KPNA3: variants seen among roughly 807,000 people sequenced by gnomAD.
KPNA3 encodes karyopherin subunit alpha 3, also known as importin subunit alpha-4.
A neutral mutation model predicts 73.8 loss-of-function variants in KPNA3; 13 were observed. The observed-to-expected ratio is 0.18, with a 90% CI of 0.11 to 0.28. KPNA3 has a LOEUF of 0.28. Ranked by LOEUF, KPNA3 falls within the 10% of genes least tolerant of loss-of-function variation. The pLI is 1.00. For missense variants in KPNA3, 360 were observed against 618.1 expected, an observed-to-expected ratio of 0.58 and a Z score of 4.43; for synonymous variants, 186 against 206.9, an observed-to-expected ratio of 0.90 and a Z score of 0.87.
At chr13:49,734,588 G>A (rs1045287149) in intron 2 of KPNA3, among the ~76,000 whole-genome samples, 1 of 152,178 alleles carries the variant, frequency 6.6e-6, no homozygotes, top group East Asian at 1.9e-4. Flanking sequence ...ACTACCTCGA[G>A]ATCTAATAGT....
intron 10 of KPNA3, among the ~76,000 whole-genome samples, chr13:49,711,680 G>C (rs1366002749): frequency 6.6e-6 from 1 of 152,160 alleles, no homozygotes; most frequent in East Asian, 1.9e-4. Flanking sequence ...CAAGGTCAAA[G>C]ATCTTGTATG....
In KPNA3 at chr13:49,737,579, G is replaced by C. The variant is rs9596185; in HGVS notation, c.115-4533C>G. Among the ~76,000 whole-genome samples, 10 of 67,826 alleles carry C rather than the reference G, an allele frequency of 1.5e-4. No individual in the cohort carries two copies. In the East Asian group the frequency reaches 2.4e-3, roughly 16 times the overall value. 44.5% of individuals were successfully genotyped at this position (67,826 alleles called of 152,430 possible). On this transcript the variant is annotated intron_variant, in intron 2 of 16. Coordinates refer to ENST00000261667, the MANE Select transcript of KPNA3 (RefSeq NM_002267.4). ...TGTGTGTCTGTGTGTGTGTGTGTGT[G>C]TGTGTGTGTGTGTGTGTGTGTGTGT...
chr13:49,759,197 T>C (rs1954737566), intron 1 of KPNA3, among the ~76,000 whole-genome samples: 1 of 152,194 alleles, frequency 6.6e-6, no homozygotes, highest in Admixed American at 6.5e-5. Context: ...TGAAGGATGA[T>C]AATGAACTAC....
At position 49,722,484 on chromosome 13, in the gene KPNA3, G is replaced by T; in HGVS notation, c.549C>A (p.Asn183Lys). Residue 183 changes from asparagine to lysine, a missense_variant, in exon 8 of 17, where the codon AAC becomes AAA. By Grantham distance (94) the Asn-to-Lys change is moderately conservative. This residue lies in a region of KPNA3 where 287 missense variants were observed against 549.1 expected (regional missense o/e 0.52). Transcript: ENST00000261667. Reference sequence around the variant, plus strand: ...TCCTTTCAAACCACTTACCTATAATGTTTCCCAAAGCCCATACTGCTTGTT... The same window carrying T: ...TCCTTTCAAACCACTTACCTATAATTTTTCCCAAAGCCCATACTGCTTGTT... Reference protein sequence around the residue: ...VCEQAVWALGNIIGDGPQCRD... With the variant: ...VCEQAVWALGKIIGDGPQCRD... 6.2e-7 allele frequency: 1 copy of T among 1,605,634 alleles called. No individual in the cohort carries two copies. Among genetic ancestry groups the T allele is most frequent in the Non-Finnish European group, 8.5e-7 (1 of 1,174,742 alleles).
At chr13:49,701,953 G>T in intron 16 of KPNA3, 55 bp from the exon 17 acceptor site, 6 of 1,198,216 alleles carry the variant, frequency 5.0e-6, no homozygotes, top group Non-Finnish European at 4.9e-6. Flanking sequence ...ACATTATGAT[G>T]TAAGTGGAAT....
Position 49,699,670 on chromosome 13 carries a change from G to A in KPNA3, c.*2130C>T, listed in dbSNP as rs913348244. On this transcript the variant is annotated 3_prime_UTR_variant, in exon 17 of 17. Coordinates refer to ENST00000261667, the MANE Select transcript of KPNA3 (RefSeq NM_002267.4). ...AGAGGAAATAGGAATCATCACAGTA[G>A]AGGCCCAATTTTAATCATAATGTGT... The A allele has an allele frequency of 6.6e-6, 1 of 152,590 alleles. No homozygotes were observed. 9.5% of individuals were successfully genotyped at this position (152,590 alleles called of 1,614,324 possible).
At position 49,705,842 on chromosome 13, in the gene KPNA3, G is replaced by A. The variant is rs78964710; in HGVS notation, c.1210-59C>T. On this transcript the variant is annotated intron_variant, in intron 14 of 16. Transcript: ENST00000261667. ...ATATAATTATCTATTTCCCAGTAGG[G>A]TGTCGTGCTACATGGAAGGCTGAGG... is the stretch of plus-strand genomic sequence containing the variant. 9.3e-6 allele frequency: 13 copies of A among 1,401,376 alleles called. No homozygotes were observed. In the South Asian group the frequency reaches 1.2e-4, roughly 13 times the overall value. The allele number at this position is 1,401,376 out of a possible 1,614,324, so 86.8% of individuals were successfully genotyped here.
At chr13:49,702,674 T>G (rs1203142215) in intron 15 of KPNA3, among the ~76,000 whole-genome samples, 194 bp from the exon 16 acceptor site, 1 of 152,026 alleles carries the variant, frequency 6.6e-6, no homozygotes, top group African/African-American at 2.4e-5. Flanking sequence ...TCCCACTAAT[T>G]TTTTCCTTCT....
chr13:49,754,629 A>AT (rs1214677101), intron 1 of KPNA3, among the ~76,000 whole-genome samples: 1 of 151,706 alleles, frequency 6.6e-6, no homozygotes, highest in African/African-American at 2.4e-5. Flanking sequence ...TCAAAAAAAA[A>AT]AAAAAATCAG....
At chr13:49,749,775 TC>T (rs1256360187) in intron 1 of KPNA3, among the ~76,000 whole-genome samples, 1 of 152,134 alleles carries the variant, frequency 6.6e-6, no homozygotes, top group Non-Finnish European at 1.5e-5. Context: ...CTCACCTATC[TC>T]TAATAATTAA....
At chr13:49,770,097 T>C (rs1348208763) in intron 1 of KPNA3, among the ~76,000 whole-genome samples, 1 of 152,016 alleles carries the variant, frequency 6.6e-6, no homozygotes, top group African/African-American at 2.4e-5. Flanking sequence ...TGTTCAGCTG[T>C]AGTTCTTTAC....
intron 1 of KPNA3, among the ~76,000 whole-genome samples, chr13:49,750,154 G>A (rs1032276888): frequency 5.3e-5 from 8 of 152,170 alleles, no homozygotes; most frequent in Admixed American, 5.2e-4. Context: ...AGCAAGTACA[G>A]AATTCACAGT....
chr13:49,712,165 T>C (rs967835129), intron 10 of KPNA3, among the ~76,000 whole-genome samples: 14 of 152,220 alleles, frequency 9.2e-5, no homozygotes, highest in African/African-American at 3.1e-4. Context: ...TAGATTTACC[T>C]AGAAACAGGG....
At position 49,792,586 on chromosome 13, in the gene KPNA3, A is replaced by AG. The variant is rs1187572856; in HGVS notation, c.-81dup. 3.7e-5 allele frequency: 7 copies of AG among 189,104 alleles called. No individual in the cohort carries two copies. Among genetic ancestry groups the AG allele is most frequent in the South Asian group, 1.6e-4 (3 of 18,998 alleles). 11.7% of individuals were successfully genotyped at this position (189,104 alleles called of 1,614,324 possible). A position where few individuals can be genotyped will look rare whatever the true frequency, so the allele number is the denominator to read the frequency against. Reference sequence around the variant, plus strand: ...CGAATCTTGGAGCGGGAGGGGGAGGAGGGGGAGAGCGGGAGGGGGGAGGGG... The same window carrying AG: ...CGAATCTTGGAGCGGGAGGGGGAGGAGGGGGGAGAGCGGGAGGGGGGAGGGG... On this transcript the variant is annotated 5_prime_UTR_variant, in exon 1 of 17. Coordinates refer to ENST00000261667, the MANE Select transcript of KPNA3 (RefSeq NM_002267.4).
intron 6 of KPNA3, among the ~76,000 whole-genome samples, chr13:49,726,010 A>C (rs1336340707): frequency 6.6e-6 from 1 of 152,176 alleles, no homozygotes; most frequent in Non-Finnish European, 1.5e-5. Flanking sequence ...CTTTATGTCC[A>C]CTGGTATTAC....
chr13:49,731,662 T>C (rs1422821464), intron 6 of KPNA3, among the ~76,000 whole-genome samples: 1 of 151,490 alleles, frequency 6.6e-6, no homozygotes, highest in Admixed American at 6.6e-5. Context: ...TGCTCTTAAA[T>C]GCAAAAAAAA....
rs181752897 is a variant in KPNA3, at chr13:49,758,459, G to A, written c.70-11466C>T. Among the ~76,000 whole-genome samples the A allele has an allele frequency of 4.6e-5, 7 of 152,180 alleles. No individual in the cohort carries two copies. The East Asian group carries it at 1.2e-3, about 25-fold the overall frequency. ...AGAACTACCAGGAAAACTCCAAACT[G>A]TTCTCGGTAACCCTATTACTGGGTG... On this transcript the variant is annotated intron_variant, in intron 1 of 16. Coordinates refer to ENST00000261667, the MANE Select transcript of KPNA3 (RefSeq NM_002267.4).
At position 49,725,403 on chromosome 13, in the gene KPNA3, G is replaced by A; in HGVS notation, c.469+13C>T. The A allele has an allele frequency of 6.5e-7, 1 of 1,543,896 alleles. No homozygotes were observed. On this transcript the variant is annotated intron_variant, in intron 7 of 16. Transcript: ENST00000261667. The stretch of plus-strand genomic sequence containing the variant: ...AAAACACAAAAAGTTCAGACAGTAA[G>A]GAATTTACTTACTAGACTGCACAAC...
At chr13:49,711,138 T>A in intron 10 of KPNA3, 116 bp from the exon 11 acceptor site, 1 of 874,558 alleles carries the variant, frequency 1.1e-6, no homozygotes, top group Non-Finnish European at 1.7e-6. Context: ...TTTAGCTTAG[T>A]GGCAAAAATA....
Sources: allele counts gnomAD v4.1 joint callset (sites outside exome capture counted in the v4.1 genomes callset), GRCh38; gene constraint gnomAD v4.1.1; regional missense constraint gnomAD v4.1.1; transcripts MANE v1.5; gene names NCBI Gene and HGNC (gene_info 2026-07-23, HGNC 2026-07-21).